KCNMB2: variants seen among roughly 807,000 people sequenced by gnomAD.
KCNMB2 encodes potassium calcium-activated channel subfamily M regulatory beta subunit 2, also known as calcium-activated potassium channel subunit beta-2.
Under a neutral mutation model 24.5 loss-of-function variants are expected in KCNMB2, and 9 were observed. The observed-to-expected ratio is 0.37, with a 90% CI of 0.22 to 0.64. KCNMB2 has a LOEUF of 0.64. KCNMB2 is among the 30% of genes least tolerant of loss of function. The pLI is 0.63. For missense variants in KCNMB2, 226 were observed against 284.3 expected, an observed-to-expected ratio of 0.79 and a Z score of 1.47; for synonymous variants, 109 against 104.4, an observed-to-expected ratio of 1.04 and a Z score of -0.27.
At chr3:178,672,669 C>T (rs888333393) in intron 1 of KCNMB2, among the ~76,000 whole-genome samples, 2 of 152,132 alleles carry the variant, frequency 1.3e-5, no homozygotes, top group African/African-American at 4.8e-5. Context: ...GAAATGTGCC[C>T]ATGAACATTT....
chr3:178,663,371 A>C (rs946878949), intron 1 of KCNMB2, among the ~76,000 whole-genome samples: 1 of 152,142 alleles, frequency 6.6e-6, no homozygotes, highest in African/African-American at 2.4e-5. Context: ...TTTGAACTGA[A>C]GAACTGTAAA....
At chr3:178,646,312 ATGGCTC>A (rs1301322397) in intron 1 of KCNMB2, among the ~76,000 whole-genome samples, 2 of 152,214 alleles carry the variant, frequency 1.3e-5, no homozygotes, top group Non-Finnish European at 2.9e-5. Flanking sequence ...ATATCTGACA[ATGGCTC>A]AACCTCCATG....
intron 1 of KCNMB2, among the ~76,000 whole-genome samples, chr3:178,574,220 C>A (rs1486568552): frequency 1.3e-5 from 2 of 152,068 alleles, no homozygotes; most frequent in African/African-American, 4.8e-5. Context: ...TTAGGTAGTG[C>A]AGGTTCCCAT....
chr3:178,683,845 T>C (rs1721360975), intron 1 of KCNMB2, among the ~76,000 whole-genome samples: 1 of 152,206 alleles, frequency 6.6e-6, no homozygotes, highest in Admixed American at 6.5e-5. Context: ...GGAATGCTTG[T>C]ATCTTGTTGG....
chr3:178,705,235 T>G (rs368269641), intron 1 of KCNMB2, among the ~76,000 whole-genome samples: 1 of 152,034 alleles, frequency 6.6e-6, no homozygotes, highest in Non-Finnish European at 1.5e-5. Context: ...CTATTCTGAG[T>G]CCCTGAACAG....
chr3:178,724,282 T>C (rs1722898755), intron 1 of KCNMB2, among the ~76,000 whole-genome samples: 1 of 152,098 alleles, frequency 6.6e-6, no homozygotes. Flanking sequence ...TTTTCACATG[T>C]TTGTCGGCCA....
chr3:178,841,262 C>A (rs1052311354), intron 4 of KCNMB2, among the ~76,000 whole-genome samples: 1 of 152,228 alleles, frequency 6.6e-6, no homozygotes, highest in Non-Finnish European at 1.5e-5. Context: ...TTCCAGACTT[C>A]TTTCTCCATA....
intron 1 of KCNMB2, among the ~76,000 whole-genome samples, chr3:178,765,145 T>C (rs1712062748): frequency 6.6e-6 from 1 of 152,234 alleles, no homozygotes; most frequent in Non-Finnish European, 1.5e-5. Context: ...GTAATGGTGC[T>C]GTGTCTTCTT....
At chr3:178,669,532 A>C (rs1022897929) in intron 1 of KCNMB2, among the ~76,000 whole-genome samples, 1 of 152,138 alleles carries the variant, frequency 6.6e-6, no homozygotes, top group Non-Finnish European at 1.5e-5. Context: ...GTAATTCACC[A>C]AGTGTTGCTT....
intron 1 of KCNMB2, among the ~76,000 whole-genome samples, chr3:178,645,233 A>G (rs989159381): frequency 6.6e-6 from 1 of 151,904 alleles, no homozygotes; most frequent in African/African-American, 2.4e-5. Context: ...TATTTTTAGT[A>G]GAGACGGGGT....
chr3:178,755,387 C>T (rs1171200852), intron 1 of KCNMB2, among the ~76,000 whole-genome samples: 3 of 152,178 alleles, frequency 2.0e-5, no homozygotes, highest in Non-Finnish European at 1.5e-5. Context: ...AGGTTTGACC[C>T]TTTAACAGTT....
intron 1 of KCNMB2, among the ~76,000 whole-genome samples, chr3:178,681,630 A>G (rs1721274308): frequency 6.6e-6 from 1 of 152,232 alleles, no homozygotes; most frequent in Non-Finnish European, 1.5e-5. Flanking sequence ...TAATTTGTCC[A>G]AGGTCCTACT....
chr3:178,727,957 G>A (rs1345574871), intron 1 of KCNMB2, among the ~76,000 whole-genome samples: 1 of 152,156 alleles, frequency 6.6e-6, no homozygotes, highest in Non-Finnish European at 1.5e-5. Context: ...TACGTGCATA[G>A]CACTTACCAT....
chr3:178,615,301 T>C (rs1363818897), intron 1 of KCNMB2, among the ~76,000 whole-genome samples: 1 of 152,184 alleles, frequency 6.6e-6, no homozygotes, highest in Non-Finnish European at 1.5e-5. Flanking sequence ...CTCAAGTCTC[T>C]GGGGCTCTAC....
intron 4 of KCNMB2, among the ~76,000 whole-genome samples, chr3:178,836,886 G>C (rs1185997605): frequency 6.6e-6 from 1 of 151,956 alleles, no homozygotes; most frequent in East Asian, 1.9e-4. Flanking sequence ...ATCTCACTTA[G>C]TAAAGTTTTG....
chr3:178,598,317 C>A (rs374355800), intron 1 of KCNMB2, among the ~76,000 whole-genome samples: 4 of 152,080 alleles, frequency 2.6e-5, no homozygotes, highest in African/African-American at 9.7e-5. Context: ...AAATTATAGA[C>A]AATAAAGGTC....
chr3:178,592,816 T>C (rs904018219), intron 1 of KCNMB2, among the ~76,000 whole-genome samples: 1 of 152,098 alleles, frequency 6.6e-6, no homozygotes, highest in African/African-American at 2.4e-5. Flanking sequence ...TTCTATGGAA[T>C]CAGAATTTCT....
chr3:178,745,402 A>C (rs920567981), intron 1 of KCNMB2, among the ~76,000 whole-genome samples: 58 of 152,046 alleles, frequency 3.8e-4, no homozygotes, highest in African/African-American at 1.4e-3. Flanking sequence ...CATGGGAAAG[A>C]CCCGCCCCCA....
At position 178,691,050 on chromosome 3, in the gene KCNMB2, A is replaced by T. The variant is rs115159994; in HGVS notation, c.-67-116293A>T. 6.7e-3 allele frequency among the ~76,000 whole-genome samples: 997 copies of T among 147,716 alleles called. 5 individuals carry two copies. The highest frequency in any genetic ancestry group is 0.046 in the Middle Eastern group (13 of 282). On this transcript the variant is annotated intron_variant, in intron 1 of 4. Coordinates refer to ENST00000452583, the MANE Select transcript of KCNMB2 (RefSeq NM_181361.3). The stretch of plus-strand genomic sequence containing the variant: ...CATCCAGAGTTCAAGCAATTCTCGC[A>T]CCTTAGTCTCCCGAGTAGCTGGGAC...
Sources: gnomAD v4.1 joint callset for allele counts (sites outside exome capture counted in the v4.1 genomes callset) on GRCh38, gnomAD v4.1.1 for gene constraint, MANE v1.5 for transcripts, NCBI Gene and HGNC (gene_info 2026-07-23, HGNC 2026-07-21) for gene names.